The following HHAT variants were observed in gnomAD, a reference collection of about 807,000 sequenced individuals.
HHAT encodes the protein hedgehog acyltransferase.
A neutral mutation model predicts 70.8 loss-of-function variants in HHAT; 47 were observed. The ratio of observed to expected loss-of-function variants is 0.66; its 90% CI spans 0.53 to 0.85. The LOEUF (loss-of-function observed/expected upper bound fraction) is 0.85. Among genes scored for constraint, HHAT ranks in the 40% least tolerant of loss-of-function variants. The pLI, the probability that HHAT is intolerant of heterozygous loss-of-function variation, is 0.00. For synonymous variants in HHAT, 228 were observed against 247.6 expected, an observed-to-expected ratio of 0.92 and a Z score of 0.74; for missense variants, 609 against 604.8, an observed-to-expected ratio of 1.01 and a Z score of -0.07.
chr1:210,409,813 T>C (rs2092464151), intron 6 of HHAT, among the ~76,000 whole-genome samples: 1 of 152,244 alleles, frequency 6.6e-6, no homozygotes, highest in South Asian at 2.1e-4. Context: ...AATTAGGTTT[T>C]AAAGTATAAT....
chr1:210,399,226 C>A (rs1415225040), intron 4 of HHAT, among the ~76,000 whole-genome samples: 2 of 152,130 alleles, frequency 1.3e-5, no homozygotes, highest in Non-Finnish European at 1.5e-5. Flanking sequence ...TCCTGTGTAT[C>A]CACCCCATGA....
rs560367934 is a variant in HHAT, at chr1:210,429,876, A to G, written c.856+11551A>G. 7.3e-4 allele frequency among the ~76,000 whole-genome samples: 111 copies of G among 152,028 alleles called. 2 individuals are homozygous for G. The highest frequency in any genetic ancestry group is 3.4e-3 in the Middle Eastern group (1 of 294). Reference sequence around the variant, plus strand: ...GCATTTTTTGGTGAAACTTGCTTGAATCAGTTTTTTGAGTGGGAGTTTGAA... The same window carrying G: ...GCATTTTTTGGTGAAACTTGCTTGAGTCAGTTTTTTGAGTGGGAGTTTGAA... On this transcript the variant is annotated intron_variant, in intron 7 of 11. Coordinates refer to ENST00000261458, the MANE Select transcript of HHAT (RefSeq NM_018194.6).
chr1:210,628,550 G>A (rs76253510), intron 11 of HHAT, among the ~76,000 whole-genome samples: 9,230 of 152,220 alleles, frequency 0.061, 343 homozygotes, highest in Middle Eastern at 0.13. Context: ...ATTTTGGCAA[G>A]CTCTGCCTTA....
chr1:210,402,238 A>T (rs1314086732), intron 5 of HHAT, among the ~76,000 whole-genome samples: 1 of 152,088 alleles, frequency 6.6e-6, no homozygotes, highest in African/African-American at 2.4e-5. Flanking sequence ...GGGCCAGTTG[A>T]CTCTGAGAAC....
chr1:210,469,835 AT>A (rs1003484313), intron 8 of HHAT, among the ~76,000 whole-genome samples: 38 of 148,168 alleles, frequency 2.6e-4, no homozygotes, highest in East Asian at 7.9e-4. Context: ...TACACAGCCA[AT>A]TTTTTTTTTT....
chr1:210,567,745 G>A (rs1268640039), intron 9 of HHAT, among the ~76,000 whole-genome samples: 2 of 152,176 alleles, frequency 1.3e-5, no homozygotes, highest in Non-Finnish European at 2.9e-5. Context: ...ATAGGTCACA[G>A]CTGTTAGGGT....
chr1:210,395,994 C>T (rs937899480), intron 4 of HHAT, among the ~76,000 whole-genome samples: 1 of 152,098 alleles, frequency 6.6e-6, no homozygotes, highest in Non-Finnish European at 1.5e-5. Context: ...AGGAGACTAT[C>T]AAGTAGAGTC....
At chr1:210,548,118 G>A (rs1573228473) in intron 9 of HHAT, among the ~76,000 whole-genome samples, 1 of 152,156 alleles carries the variant, frequency 6.6e-6, no homozygotes, top group Non-Finnish European at 1.5e-5. Flanking sequence ...CCTCAGAGTC[G>A]CCATTGTCTT....
intron 7 of HHAT, among the ~76,000 whole-genome samples, chr1:210,432,692 C>T (rs2093279748): frequency 6.6e-6 from 1 of 151,844 alleles, no homozygotes; most frequent in Non-Finnish European, 1.5e-5. Flanking sequence ...GTGGACCTGC[C>T]ATTTCCAGGC....
intron 11 of HHAT, among the ~76,000 whole-genome samples, chr1:210,646,557 T>C (rs2148924449): frequency 6.6e-6 from 1 of 152,306 alleles, no homozygotes; most frequent in South Asian, 2.1e-4. Context: ...AATTACAATA[T>C]CTCTTGGAAA....
At chr1:210,403,397 TTA>T (rs2092173690) in intron 5 of HHAT, among the ~76,000 whole-genome samples, 2 of 152,196 alleles carry the variant, frequency 1.3e-5, no homozygotes, top group Admixed American at 1.3e-4. Flanking sequence ...TTAGCATCAG[TTA>T]TAGATGTTGG....
At chr1:210,591,565 C>T (rs557040999) in intron 10 of HHAT, among the ~76,000 whole-genome samples, 1 of 152,134 alleles carries the variant, frequency 6.6e-6, no homozygotes, top group South Asian at 2.1e-4. Flanking sequence ...ATATCCCAAG[C>T]CATAGGACTG....
At chr1:210,429,687 T>C (rs1278605680) in intron 7 of HHAT, among the ~76,000 whole-genome samples, 2 of 151,818 alleles carry the variant, frequency 1.3e-5, no homozygotes, top group Non-Finnish European at 2.9e-5. Context: ...CCCCCCTGTT[T>C]GCATTGCTAA....
At chr1:210,580,511 C>T (rs916788172) in intron 9 of HHAT, among the ~76,000 whole-genome samples, 5 of 117,110 alleles carry the variant, frequency 4.3e-5, no homozygotes, top group Non-Finnish European at 8.2e-5. Context: ...CCCCAGCAGG[C>T]CCTGGTGTGT....
At chr1:210,469,489 A>G (rs1356844563) in intron 8 of HHAT, among the ~76,000 whole-genome samples, 2 of 152,188 alleles carry the variant, frequency 1.3e-5, no homozygotes, top group Non-Finnish European at 2.9e-5. Context: ...GGGGCTGATC[A>G]TAGTACTCAT....
intron 8 of HHAT, among the ~76,000 whole-genome samples, chr1:210,488,294 C>G (rs2094502849): frequency 6.6e-6 from 1 of 152,180 alleles, no homozygotes; most frequent in Admixed American, 6.5e-5. Context: ...TGAGGCTTAC[C>G]TGGACCATTC....
At chr1:210,464,036 C>T (rs2094040035) in intron 7 of HHAT, among the ~76,000 whole-genome samples, 2 of 152,100 alleles carry the variant, frequency 1.3e-5, no homozygotes, top group Admixed American at 1.3e-4. Flanking sequence ...AAGCGTTTAT[C>T]TTTTGTGTTA....
At chr1:210,400,783 A>G (rs1488739944) in intron 5 of HHAT, 121 bp downstream of exon 5, 4 of 860,676 alleles carry the variant, frequency 4.6e-6, no homozygotes, top group Non-Finnish European at 7.1e-6. Flanking sequence ...GGGGCTCCCC[A>G]TAGTGGCCGT....
rs887167224 is a variant in HHAT at position 210,624,667 on chromosome 1, T to C, written c.1390+997T>C. Among the ~76,000 whole-genome samples, 6 of 152,124 alleles carry C rather than the reference T, an allele frequency of 3.9e-5. No individual in the cohort carries two copies. In the East Asian group the frequency reaches 1.2e-3, roughly 29 times the overall value. ...CAGGTAAACTGCTACTATGTGGGAG[T>C]TGTCAAAACATTCTATTAATAATTG... is the stretch of plus-strand genomic sequence containing the variant. On this transcript the variant is annotated intron_variant, in intron 11 of 11. Coordinates refer to ENST00000261458, the MANE Select transcript of HHAT (RefSeq NM_018194.6).
Sources: allele counts gnomAD v4.1 joint callset (sites outside exome capture counted in the v4.1 genomes callset), GRCh38; gene constraint gnomAD v4.1.1; transcripts MANE v1.5; gene names NCBI Gene and HGNC (gene_info 2026-07-23, HGNC 2026-07-21).